The following PCDH7 variants were observed in gnomAD, a reference collection of about 807,000 sequenced individuals.
PCDH7 encodes the protein protocadherin-7.
Under a neutral mutation model 58.9 loss-of-function variants are expected in PCDH7, and 17 were observed. The ratio of observed to expected loss-of-function variants is 0.29; its 90% CI spans 0.20 to 0.43. PCDH7 has a LOEUF of 0.43. Ranked by LOEUF, PCDH7 falls within the 20% of genes least tolerant of loss-of-function variation. The pLI is 1.00. For synonymous variants in PCDH7, 664 were observed against 616.4 expected (o/e 1.08, Z -1.14); for missense variants, 1,274 against 1,441.0 (o/e 0.88, Z 1.88).
At chr4:30,832,716 G>C (rs1465745995) in intron 1 of PCDH7, among the ~76,000 whole-genome samples, 1 of 152,064 alleles carries the variant, frequency 6.6e-6, no homozygotes, top group Non-Finnish European at 1.5e-5. Flanking sequence ...AAACTTTGAT[G>C]GTCCTGTCAT....
intron 3 of PCDH7, among the ~76,000 whole-genome samples, chr4:31,123,509 C>T (rs1256214793): frequency 6.6e-6 from 1 of 152,086 alleles, no homozygotes; most frequent in East Asian, 1.9e-4. Flanking sequence ...AGGGCAAGTG[C>T]CTTTGGGCGC....
chr4:30,913,847 C>A (rs367610504), intron 1 of PCDH7, among the ~76,000 whole-genome samples: 1 of 152,128 alleles, frequency 6.6e-6, no homozygotes, highest in Admixed American at 6.6e-5. Flanking sequence ...ACAAAACTAC[C>A]CAGTGCAAAT....
intron 3 of PCDH7, among the ~76,000 whole-genome samples, chr4:31,042,466 G>A (rs1755952713): frequency 6.6e-6 from 1 of 152,078 alleles, no homozygotes; most frequent in South Asian, 2.1e-4. Context: ...AAACTATCAT[G>A]CGTGTGTGTC....
At chr4:31,040,716 G>A (rs1171676322) in intron 3 of PCDH7, among the ~76,000 whole-genome samples, 1 of 152,048 alleles carries the variant, frequency 6.6e-6, no homozygotes, top group Non-Finnish European at 1.5e-5. Flanking sequence ...AAAATTCAGT[G>A]ATGTCCTAAA....
Position 30,929,654 on chromosome 4 carries a change from C to T in PCDH7, c.287+9285C>T, listed in dbSNP as rs553060499. Among the ~76,000 whole-genome samples the T allele has an allele frequency of 2.0e-5, 3 of 152,128 alleles. No homozygotes were observed. In the East Asian group the frequency reaches 5.8e-4, roughly 29 times the overall value. ...AGTAAACAGACAATAGGATAGTATC[C>T]AGCTATTTAAAAATCTTCTTCATTT... On this transcript the variant is annotated intron_variant, in intron 2 of 3. Transcript: ENST00000509759.
chr4:31,101,148 A>G (rs1205752097), intron 3 of PCDH7, among the ~76,000 whole-genome samples: 1 of 152,190 alleles, frequency 6.6e-6, no homozygotes, highest in African/African-American at 2.4e-5. Context: ...CCAGATAGAA[A>G]TGAAAGTAAT....
chr4:31,103,828 G>T (rs1273357181), intron 3 of PCDH7, among the ~76,000 whole-genome samples: 3 of 152,062 alleles, frequency 2.0e-5, no homozygotes, highest in Non-Finnish European at 2.9e-5. Context: ...TCACTTAAAG[G>T]GTGTGAGATT....
chr4:31,010,876 A>T (rs1041048114), intron 3 of PCDH7, among the ~76,000 whole-genome samples: 9 of 152,022 alleles, frequency 5.9e-5, no homozygotes, highest in Admixed American at 5.9e-4. Context: ...AAATAAAAAG[A>T]TGAGCATGAT....
At chr4:31,081,701 C>G (rs1372429826) in intron 3 of PCDH7, among the ~76,000 whole-genome samples, 1 of 151,700 alleles carries the variant, frequency 6.6e-6, no homozygotes, top group Non-Finnish European at 1.5e-5. Context: ...TTAAGAAAGT[C>G]AAAAGTCAGA....
At chr4:30,823,607 C>T (rs921139246) in intron 1 of PCDH7, among the ~76,000 whole-genome samples, 7 of 151,972 alleles carry the variant, frequency 4.6e-5, no homozygotes, top group Non-Finnish European at 1.0e-4. Context: ...TCTTTGATAG[C>T]GAGAACCATT....
At chr4:30,814,123 A>G (rs972540386) in intron 1 of PCDH7, among the ~76,000 whole-genome samples, 2 of 152,068 alleles carry the variant, frequency 1.3e-5, no homozygotes, top group Non-Finnish European at 2.9e-5. Flanking sequence ...CAGATAGGTA[A>G]CATTTATTTA....
At chr4:30,939,300 C>T (rs1745747084) in intron 2 of PCDH7, among the ~76,000 whole-genome samples, 1 of 152,126 alleles carries the variant, frequency 6.6e-6, no homozygotes, top group South Asian at 2.1e-4. Flanking sequence ...TTAGGCTTTT[C>T]ATGCACTTTC....
chr4:31,069,099 A>G (rs1162454674), intron 3 of PCDH7, among the ~76,000 whole-genome samples: 1 of 151,936 alleles, frequency 6.6e-6, no homozygotes, highest in Non-Finnish European at 1.5e-5. Flanking sequence ...TGTTCGAGCT[A>G]AATGCCAAAC....
At chr4:30,860,732 TG>T (rs899354196) in intron 1 of PCDH7, among the ~76,000 whole-genome samples, 2 of 152,162 alleles carry the variant, frequency 1.3e-5, no homozygotes, top group Non-Finnish European at 2.9e-5. Flanking sequence ...AAAATTAATG[TG>T]AAGGTACTAG....
At chr4:30,826,479 G>A (rs895846224) in intron 1 of PCDH7, among the ~76,000 whole-genome samples, 5 of 151,944 alleles carry the variant, frequency 3.3e-5, no homozygotes, top group Non-Finnish European at 7.4e-5. Context: ...TATATTAGAA[G>A]CCATTCTGGA....
At chr4:31,122,477 G>A (rs1253302440) in intron 3 of PCDH7, among the ~76,000 whole-genome samples, 1 of 152,030 alleles carries the variant, frequency 6.6e-6, no homozygotes, top group Non-Finnish European at 1.5e-5. Flanking sequence ...GCATTGTTTA[G>A]CCTACTTAAC....
At chr4:30,737,923 C>G (rs920709949), downstream of PCDH7, among the ~76,000 whole-genome samples, 3 of 152,122 alleles carry the variant, frequency 2.0e-5, no homozygotes, top group African/African-American at 7.2e-5. Flanking sequence ...TTAATTTTCT[C>G]TTGGTTTGGG....
rs992527237 is a variant in PCDH7, at chr4:30,979,646, A to G, written c.*7+29431A>G. The stretch of plus-strand genomic sequence containing the variant: ...GACATGCACTATCATATGATCTTGA[A>G]TGCCAGTCTTTATTTTATTCTGTCT... On this transcript the variant is annotated intron_variant, in intron 3 of 3. Coordinates refer to the PCDH7 transcript ENST00000509759. Among the ~76,000 whole-genome samples the G allele has an allele frequency of 3.9e-5, 6 of 151,928 alleles. No homozygotes were observed. The South Asian group carries it at 1.2e-3, about 32-fold the overall frequency.
At chr4:30,770,966 C>A (rs1269655842) in intron 1 of PCDH7, among the ~76,000 whole-genome samples, 1 of 152,134 alleles carries the variant, frequency 6.6e-6, no homozygotes, top group Non-Finnish European at 1.5e-5. Context: ...AGTAAGCAGG[C>A]AGTTTATGTT....
Sources: gnomAD v4.1 joint callset for allele counts (sites outside exome capture counted in the v4.1 genomes callset) on GRCh38, gnomAD v4.1.1 for gene constraint, MANE v1.5 for transcripts, NCBI Gene and HGNC (gene_info 2026-07-23, HGNC 2026-07-21) for gene names.